Variants in RGS8 observed in about 807,000 individuals in gnomAD.
RGS8 encodes regulator of G protein signaling 8.
In RGS8, 8 loss-of-function variants were observed where a neutral mutation model predicts 21.7. The observed-to-expected ratio is 0.37, with a 90% CI of 0.22 to 0.66. The LOEUF (loss-of-function observed/expected upper bound fraction) is 0.66. Ranked by LOEUF, RGS8 falls within the 30% of genes least tolerant of loss-of-function variation. The pLI is 0.59. For synonymous variants in RGS8, 80 were observed against 83.6 expected (o/e 0.96, Z 0.24); for missense variants, 157 against 217.9 (o/e 0.72, Z 1.76).
chr1:182,703,234 C>G, the RGS8 span, among the ~76,000 whole-genome samples: 91 of 152,284 alleles, frequency 6.0e-4, no homozygotes, highest in Admixed American at 2.2e-3. Context: ...CTCCTGCAAC[C>G]CAAATTTCTG....
chr1:182,741,443 TGGCC>T, the RGS8 span, among the ~76,000 whole-genome samples: 1 of 124,100 alleles, frequency 8.1e-6, no homozygotes, highest in African/African-American at 3.1e-5. Context: ...ACAGGGCGGC[TGGCC>T]GGGCAGAGGC....
the RGS8 span, among the ~76,000 whole-genome samples, chr1:182,715,573 G>A: frequency 6.6e-6 from 1 of 152,130 alleles, no homozygotes; most frequent in African/African-American, 2.4e-5. Context: ...CAGATTGTGG[G>A]GCTCTATCCC....
the RGS8 span, among the ~76,000 whole-genome samples, chr1:182,730,124 C>A: frequency 6.6e-6 from 1 of 152,128 alleles, no homozygotes. Flanking sequence ...ACTTCCCCAA[C>A]CTTCCTTTTC....
chr1:182,744,496 A>G, the RGS8 span, among the ~76,000 whole-genome samples: 14 of 152,348 alleles, frequency 9.2e-5, no homozygotes, highest in South Asian at 2.9e-3. Flanking sequence ...TAGACTGCAT[A>G]TAAGATGGTG....
the RGS8 span, among the ~76,000 whole-genome samples, chr1:182,728,945 T>C: frequency 6.6e-6 from 1 of 152,292 alleles, no homozygotes; most frequent in East Asian, 1.9e-4. Context: ...ATGACACACA[T>C]TTACCTGTGT....
chr1:182,740,544 G>GT, the RGS8 span, among the ~76,000 whole-genome samples: 25 of 103,286 alleles, frequency 2.4e-4, no homozygotes, highest in Non-Finnish European at 3.5e-4. Flanking sequence ...TTTTTTGTTT[G>GT]TTTGTTTTTT....
upstream of RGS8, among the ~76,000 whole-genome samples, chr1:182,688,352 C>T (rs994458073): frequency 1.3e-5 from 2 of 150,662 alleles, no homozygotes; most frequent in Non-Finnish European, 3.0e-5. Context: ...CTTTCTCTCT[C>T]GCTCGCTCTC....
At chr1:182,750,254 T>G in the RGS8 span, among the ~76,000 whole-genome samples, 1 of 152,200 alleles carries the variant, frequency 6.6e-6, no homozygotes, top group South Asian at 2.1e-4. Flanking sequence ...CCTACCCTCT[T>G]TTCTGAACAA....
At chr1:182,739,018 C>G in the RGS8 span, among the ~76,000 whole-genome samples, 15 of 152,204 alleles carry the variant, frequency 9.9e-5, no homozygotes, top group Admixed American at 3.9e-4. Context: ...TTGATAAGCA[C>G]TTAACTTCTG....
chr1:182,670,419 G>A (rs923268596), intron 2 of RGS8, among the ~76,000 whole-genome samples: 19 of 152,364 alleles, frequency 1.2e-4, no homozygotes, highest in African/African-American at 4.3e-4. Context: ...GGACATGAGT[G>A]TGGGAAGACA....
chr1:182,658,110 T>C (rs573872547), intron 5 of RGS8, among the ~76,000 whole-genome samples: 13 of 152,354 alleles, frequency 8.5e-5, no homozygotes, highest in African/African-American at 2.9e-4. Context: ...TCCAGAATTC[T>C]TGGAACAGTG....
downstream of RGS8, chr1:182,643,331 G>GC (rs913799391): frequency 4.3e-3 from 296 of 69,306 alleles, 13 homozygotes; most frequent in African/African-American, 0.015. Context: ...CAGCCCCCCC[G>GC]CCCCCGCGCT....
the RGS8 span, among the ~76,000 whole-genome samples, chr1:182,738,076 T>C: frequency 2.0e-5 from 3 of 152,242 alleles, no homozygotes; most frequent in African/African-American, 7.2e-5. Flanking sequence ...GATAATTTGT[T>C]ACACAGTAAC....
the RGS8 span, among the ~76,000 whole-genome samples, chr1:182,744,182 G>A: frequency 1.2e-4 from 19 of 152,132 alleles, no homozygotes; most frequent in African/African-American, 4.3e-4. Context: ...TTTTGAGACA[G>A]GGTCTTACTC....
At chr1:182,644,961 G>T (rs1284984632), downstream of RGS8, 1 of 152,102 alleles carries the variant, frequency 6.6e-6, no homozygotes, top group East Asian at 1.9e-4. Context: ...TCCCCTTGAG[G>T]TTCACACAGT....
the RGS8 span, among the ~76,000 whole-genome samples, chr1:182,723,966 C>T: frequency 2.0e-5 from 3 of 151,792 alleles, no homozygotes; most frequent in Non-Finnish European, 2.9e-5. Flanking sequence ...AAGACTGCCA[C>T]GTGGTTGGAT....
chr1:182,739,171 A>G, the RGS8 span, among the ~76,000 whole-genome samples: 1 of 152,226 alleles, frequency 6.6e-6, no homozygotes, highest in Admixed American at 6.5e-5. Flanking sequence ...CAGATGAACA[A>G]TGAAATATGC....
chr1:182,676,658 A>C (rs551981209), upstream of RGS8, among the ~76,000 whole-genome samples: 5 of 152,172 alleles, frequency 3.3e-5, no homozygotes, highest in African/African-American at 1.2e-4. Context: ...ACGCTGCTCA[A>C]CTCCTCATAA....
the RGS8 span, among the ~76,000 whole-genome samples, chr1:182,744,152 T>G: frequency 1.3e-5 from 2 of 152,178 alleles, no homozygotes; most frequent in Non-Finnish European, 2.9e-5. Context: ...AAGTATAAAA[T>G]CCAATGTTGT....
Sources: allele counts gnomAD v4.1 joint callset (sites outside exome capture counted in the v4.1 genomes callset), GRCh38; gene constraint gnomAD v4.1.1; transcripts MANE v1.5; gene names NCBI Gene and HGNC (gene_info 2026-07-23, HGNC 2026-07-21).